Variants in TFB1M observed in about 807,000 individuals in gnomAD.
TFB1M encodes transcription factor B1, mitochondrial, also known as dimethyladenosine transferase 1, mitochondrial.
Under a neutral mutation model 31.1 loss-of-function variants are expected in TFB1M, and 27 were observed. The ratio of observed to expected loss-of-function variants is 0.87; its 90% CI spans 0.64 to 1.20. TFB1M has a LOEUF of 1.20. Among genes scored for constraint, TFB1M ranks in the 50% most tolerant of loss-of-function variants. TFB1M has a pLI of 0.00. For missense variants in TFB1M, 394 were observed against 418.7 expected, an observed-to-expected ratio of 0.94 and a Z score of 0.51; for synonymous variants, 166 against 151.8, an observed-to-expected ratio of 1.09 and a Z score of -0.69.
chr6:155,254,961 G>A (rs1388824330), downstream of TFB1M: 1 of 163,376 alleles, frequency 6.1e-6, no homozygotes, highest in Non-Finnish European at 1.3e-5. Flanking sequence ...CCTTCTGATG[G>A]TTCAACCTAC....
At chr6:155,260,214 A>G in intron 6 of TFB1M, 59 bp downstream of exon 6, 1 of 1,595,500 alleles carries the variant, frequency 6.3e-7, no homozygotes, top group Non-Finnish European at 8.6e-7. Context: ...TCTCACTCTT[A>G]AAAAGTGCCT....
At chr6:155,239,002 C>T in the TFB1M span, among the ~76,000 whole-genome samples, 1 of 152,134 alleles carries the variant, frequency 6.6e-6, no homozygotes, top group Non-Finnish European at 1.5e-5. Flanking sequence ...TGAGAGTGGC[C>T]TCTTTTTATT....
At chr6:155,247,106 T>C in the TFB1M span, among the ~76,000 whole-genome samples, 1 of 152,216 alleles carries the variant, frequency 6.6e-6, no homozygotes, top group African/African-American at 2.4e-5. Context: ...GAAAGGTGAA[T>C]CTGCTTGGAG....
Position 155,256,229 on chromosome 6 carries a change from T to G in TFB1M, c.*1607A>C. On this transcript the variant is annotated 3_prime_UTR_variant, in exon 7 of 7. Transcript: ENST00000367166. ...TTAGCCCATGTAGTAGTTTCTAGTG[T>G]CTAGTTCTATTTACATAATTGAGCT... The G allele has an allele frequency of 1.7e-6, 1 of 597,030 alleles. No individual in the cohort carries two copies. The highest frequency in any genetic ancestry group is 2.1e-5 in the South Asian group (1 of 47,940). 37.0% of individuals were successfully genotyped at this position (597,030 alleles called of 1,614,324 possible).
At chr6:155,230,136 C>T in the TFB1M span, among the ~76,000 whole-genome samples, 5 of 151,972 alleles carry the variant, frequency 3.3e-5, no homozygotes, top group African/African-American at 4.8e-5. Context: ...GCTGTGTGTC[C>T]AGTAGGCAAC....
chr6:155,280,223 A>C (rs752677324), intron 5 of TFB1M, among the ~76,000 whole-genome samples: 1 of 152,124 alleles, frequency 6.6e-6, no homozygotes, highest in Non-Finnish European at 1.5e-5. Flanking sequence ...GTAGGAAGCT[A>C]GACAGGATGC....
intron 5 of TFB1M, among the ~76,000 whole-genome samples, chr6:155,269,565 G>A (rs566644107): frequency 1.3e-5 from 2 of 151,848 alleles, no homozygotes; most frequent in African/African-American, 2.4e-5. Context: ...CAGGCGATCC[G>A]CCTGCCTCAG....
At chr6:155,311,733 G>T (rs1778024787) in intron 1 of TFB1M, among the ~76,000 whole-genome samples, 1 of 152,160 alleles carries the variant, frequency 6.6e-6, no homozygotes, top group African/African-American at 2.4e-5. Flanking sequence ...ATCTGAATAA[G>T]CAATACTAGT....
chr6:155,262,128 C>T (rs1243887229), intron 5 of TFB1M, among the ~76,000 whole-genome samples: 1 of 152,050 alleles, frequency 6.6e-6, no homozygotes, highest in Non-Finnish European at 1.5e-5. Context: ...CTGAAGAAGA[C>T]AAGGGGCTGT....
At chr6:155,236,380 C>T in the TFB1M span, among the ~76,000 whole-genome samples, 1 of 152,060 alleles carries the variant, frequency 6.6e-6, no homozygotes, top group East Asian at 1.9e-4. Context: ...ACACCCATGA[C>T]AGCCAGGCAT....
chr6:155,236,768 A>G, the TFB1M span, among the ~76,000 whole-genome samples: 7 of 152,154 alleles, frequency 4.6e-5, no homozygotes, highest in South Asian at 2.1e-4. Context: ...ATCTTGTGAG[A>G]TCTATTCACT....
At chr6:155,287,198 A>G (rs1321169949) in intron 4 of TFB1M, among the ~76,000 whole-genome samples, 1 of 152,172 alleles carries the variant, frequency 6.6e-6, no homozygotes, top group East Asian at 1.9e-4. Context: ...GAGAGAGGAA[A>G]TCTGTACAAG....
chr6:155,252,029 A>T (rs1289112709), downstream of TFB1M: 1 of 1,566,828 alleles, frequency 6.4e-7, no homozygotes, highest in Admixed American at 1.8e-5. Flanking sequence ...ATTTTAATTT[A>T]AGCTACCTTT....
At chr6:155,236,665 AAAAAT>A in the TFB1M span, among the ~76,000 whole-genome samples, 141 of 152,282 alleles carry the variant, frequency 9.3e-4, no homozygotes, top group African/African-American at 1.6e-3. Flanking sequence ...TCTGTCTCAA[AAAAAT>A]AAAATAAAAG....
chr6:155,262,832 G>T (rs1784450952), intron 5 of TFB1M, among the ~76,000 whole-genome samples: 1 of 152,212 alleles, frequency 6.6e-6, no homozygotes, highest in African/African-American at 2.4e-5. Context: ...TGCAAATACA[G>T]GAAGTGTCTA....
chr6:155,235,973 T>C, the TFB1M span, among the ~76,000 whole-genome samples: 1 of 152,192 alleles, frequency 6.6e-6, no homozygotes, highest in Non-Finnish European at 1.5e-5. Flanking sequence ...GATCTTATTT[T>C]ATACAGTATA....
intron 4 of TFB1M, among the ~76,000 whole-genome samples, chr6:155,286,802 C>T (rs67478413): frequency 0.079 from 11,943 of 151,416 alleles, 580 homozygotes; most frequent in Non-Finnish European, 0.099. Flanking sequence ...CAGAGCAAGA[C>T]GCCCTCCTCA....
At chr6:155,244,141 G>C in the TFB1M span, 1 of 1,444,744 alleles carries the variant, frequency 6.9e-7, no homozygotes, top group African/African-American at 1.4e-5. Context: ...TTGCCTTTTA[G>C]CAGAACTCCT....
chr6:155,248,218 A>G, the TFB1M span: 62 of 1,577,522 alleles, frequency 3.9e-5, no homozygotes, highest in Non-Finnish European at 5.3e-5. Context: ...GGGCCTGCAC[A>G]GGGCGGCGAG....
Sources: allele counts gnomAD v4.1 joint callset (sites outside exome capture counted in the v4.1 genomes callset), GRCh38; gene constraint gnomAD v4.1.1; transcripts MANE v1.5; gene names NCBI Gene and HGNC (gene_info 2026-07-23, HGNC 2026-07-21).